Variants in LRIG1 observed in about 807,000 individuals in gnomAD.
LRIG1 encodes leucine-rich repeats and immunoglobulin-like domains protein 1.
In LRIG1, 48 loss-of-function variants were observed where a neutral mutation model predicts 99.2. The ratio of observed to expected loss-of-function variants is 0.48; its 90% CI spans 0.38 to 0.62. LRIG1 has a LOEUF of 0.62. LRIG1 is among the 20% of genes least tolerant of loss of function. The pLI, the probability that LRIG1 is intolerant of heterozygous loss-of-function variation, is 0.00. For synonymous variants in LRIG1, 772 were observed against 596.1 expected (o/e 1.29, Z -4.30); for missense variants, 1,646 against 1,434.4 (o/e 1.15, Z -2.38).
At chr3:66,448,788 C>T (rs928665871) in intron 3 of LRIG1, among the ~76,000 whole-genome samples, 5 of 152,142 alleles carry the variant, frequency 3.3e-5, no homozygotes, top group Non-Finnish European at 5.9e-5. Flanking sequence ...TGTCTGCCCA[C>T]AAAAACGGAA....
intron 8 of LRIG1, among the ~76,000 whole-genome samples, chr3:66,405,600 C>T (rs1387156329): frequency 2.0e-5 from 3 of 152,184 alleles, no homozygotes; most frequent in Non-Finnish European, 4.4e-5. Flanking sequence ...GACATCTGGC[C>T]CCAGCACTGA....
intron 6 of LRIG1, among the ~76,000 whole-genome samples, chr3:66,412,589 G>A (rs1339477051): frequency 6.6e-6 from 1 of 152,246 alleles, no homozygotes; most frequent in African/African-American, 2.4e-5. Flanking sequence ...GAAGGGGGCT[G>A]GGTCCGGCTG....
intron 3 of LRIG1, among the ~76,000 whole-genome samples, chr3:66,450,399 G>T (rs1345155240): frequency 2.0e-5 from 3 of 152,084 alleles, no homozygotes; most frequent in Non-Finnish European, 4.4e-5. Flanking sequence ...GTATAAAATG[G>T]GTCAAAAATG....
rs115135594 is a variant in LRIG1 at position 66,437,818 on chromosome 3, G to T, written c.365+13741C>A. Among the ~76,000 whole-genome samples the T allele has an allele frequency of 2.9e-3, 436 of 152,280 alleles. 7 individuals carry two copies. The highest frequency in any genetic ancestry group is 4.1e-3 in the Non-Finnish European group (280 of 68,032). On this transcript the variant is annotated intron_variant, in intron 3 of 18. Transcript: ENST00000273261. ...GGCAGAGGGGAACACAACATCATGGGGGGAGGAGGTCAGAAGAGGGGCGGC... is the reference window on the plus strand; with the variant it reads ...GGCAGAGGGGAACACAACATCATGGTGGGAGGAGGTCAGAAGAGGGGCGGC...
At chr3:66,410,311 C>T (rs760070121) in intron 6 of LRIG1, 39 bp from the exon 7 acceptor site, 50 of 1,560,330 alleles carry the variant, frequency 3.2e-5, no homozygotes, top group Non-Finnish European at 3.6e-5. Flanking sequence ...GAGGAGCTTT[C>T]ACTCCCTTCA....
intron 1 of LRIG1, among the ~76,000 whole-genome samples, chr3:66,488,796 T>C (rs528081852): frequency 6.6e-5 from 10 of 152,320 alleles, no homozygotes; most frequent in East Asian, 5.8e-4. Context: ...GCCATGACTA[T>C]AGAATGTGAC....
rs1038388426 is a variant in LRIG1, at chr3:66,380,030, A to ATCTC, written c.*229_*232dup. 9 of 379,880 alleles carry ATCTC rather than the reference A, an allele frequency of 2.4e-5. No individual in the cohort carries two copies. Among genetic ancestry groups the ATCTC allele is most frequent in the African/African-American group, 1.8e-4 (9 of 49,504 alleles). The allele number at this position is 379,880 out of a possible 1,614,324, so 23.5% of individuals were successfully genotyped here. On this transcript the variant is annotated 3_prime_UTR_variant, in exon 19 of 19. Coordinates refer to ENST00000273261, the MANE Select transcript of LRIG1 (RefSeq NM_015541.3). ...AGCCTCTGTAAAAGATATATATGAA[A>ATCTC]TCTCTGAAAACTCTTATGTACAATG... is the stretch of plus-strand genomic sequence containing the variant.
At chr3:66,471,070 G>C (rs968629531) in intron 1 of LRIG1, among the ~76,000 whole-genome samples, 1 of 152,096 alleles carries the variant, frequency 6.6e-6, no homozygotes, top group East Asian at 1.9e-4. Flanking sequence ...CAAGCAAAAG[G>C]AATTTGGGCA....
At chr3:66,413,539 G>A (rs948031019) in intron 5 of LRIG1, among the ~76,000 whole-genome samples, 1 of 152,188 alleles carries the variant, frequency 6.6e-6, no homozygotes, top group Admixed American at 6.5e-5. Flanking sequence ...TGCACATGGG[G>A]GCAGGGGGAG....
chr3:66,410,357 T>G, intron 6 of LRIG1, 85 bp from the exon 7 acceptor site: 1 of 1,334,438 alleles, frequency 7.5e-7, no homozygotes, highest in African/African-American at 1.5e-5. Flanking sequence ...ACGCTGTACC[T>G]GACACTGCGG....
chr3:66,407,619 G>GCGCGCA (rs1553715219), intron 7 of LRIG1, 128 bp from the exon 8 acceptor site: 1 of 957,240 alleles, frequency 1.0e-6, no homozygotes, highest in Non-Finnish European at 1.6e-6. Context: ...GCACGCGCGT[G>GCGCGCA]CGTGCACACA....
rs1233791753 is a variant in LRIG1, at chr3:66,417,161, G to A, written c.471C>T (p.Thr157=). The A allele has an allele frequency of 6.2e-7, 1 of 1,614,206 alleles. No individual in the cohort carries two copies. The highest frequency in any genetic ancestry group is 8.5e-7 in the Non-Finnish European group (1 of 1,180,030). ...TTATAGGCGGTCCGTGTGGAAAGCA[G>A]GTGTTCCGCACTTCCGTGATGTTGT... ...SLNNITEVRN[T]CFPHGPPIKE... Residue 157 remains threonine, a synonymous_variant, in exon 4 of 19, where the codon ACC becomes ACT. Coordinates refer to ENST00000273261, the MANE Select transcript of LRIG1 (RefSeq NM_015541.3).
chr3:66,380,682 C>T lies in LRIG1; in HGVS notation c.2950G>A (p.Ala984Thr), dbSNP rs375774171. 2.5e-6 allele frequency: 4 copies of T among 1,614,200 alleles called. No homozygotes were observed. The highest frequency in any genetic ancestry group is 8.5e-7 in the Non-Finnish European group (1 of 1,180,030). Residue 984 changes from alanine (A) to threonine (T), a missense_variant, in exon 18 of 19, where the codon GCC (alanine) becomes ACC (threonine). Ala to Thr is a moderately conservative substitution (Grantham distance 58). Transcript: ENST00000273261. Reference sequence around the variant, plus strand: ...TGGCACTCGGGGCAGGACCCAGCGGCAGTCCTGCTGCACTGGTGATGTGGA... The same window carrying T: ...TGGCACTCGGGGCAGGACCCAGCGGTAGTCCTGCTGCACTGGTGATGTGGA... ...HSPHHQCSRT[A>T]AGSCPECQGS... is the part of the protein sequence containing the mutation.
chr3:66,434,434 A>T (rs999091626), intron 3 of LRIG1, among the ~76,000 whole-genome samples: 2 of 152,180 alleles, frequency 1.3e-5, no homozygotes, highest in African/African-American at 4.8e-5. Flanking sequence ...CACCTATCAG[A>T]ATGGCTGAAA....
intron 5 of LRIG1, among the ~76,000 whole-genome samples, chr3:66,414,089 T>C (rs533975328): frequency 1.3e-5 from 2 of 152,218 alleles, no homozygotes; most frequent in East Asian, 1.9e-4. Context: ...AACTAAACAA[T>C]TAAATTGTTT....
chr3:66,439,693 G>A (rs1703479403), intron 3 of LRIG1, among the ~76,000 whole-genome samples: 1 of 151,942 alleles, frequency 6.6e-6, no homozygotes, highest in Non-Finnish European at 1.5e-5. Flanking sequence ...CATCATGGTG[G>A]GACATTTCTG....
At chr3:66,423,229 A>C (rs1702874775) in intron 3 of LRIG1, among the ~76,000 whole-genome samples, 2 of 152,232 alleles carry the variant, frequency 1.3e-5, no homozygotes, top group Non-Finnish European at 2.9e-5. Flanking sequence ...ATTTTAAAAA[A>C]TACTTCAGAT....
intron 5 of LRIG1, among the ~76,000 whole-genome samples, chr3:66,413,386 T>C (rs535911563): frequency 2.2e-4 from 33 of 152,332 alleles, no homozygotes; most frequent in African/African-American, 7.7e-4. Context: ...GTGAATGTCT[T>C]ATGTGAGGTA....
chr3:66,500,316 A>C lies in LRIG1; in HGVS notation c.92T>G (p.Val31Gly). 1 of 1,481,974 alleles carries C rather than the reference A, an allele frequency of 6.7e-7. No individual in the cohort carries two copies. The highest frequency in any genetic ancestry group is 8.9e-7 in the Non-Finnish European group (1 of 1,120,968). The allele number at this position is 1,481,974 out of a possible 1,614,324, so 91.8% of individuals were successfully genotyped here. ...LWLLLLRLEPVTAAAGPRAPC... is the reference protein window; with the variant it reads ...LWLLLLRLEPGTAAAGPRAPC... ...CGCCCGCGGGCCGGCCGCGGCGGTC[A>C]CCGGCTCCAGCCGAAGCAAAAGCAG... Residue 31 changes from valine (V) to glycine (G), a missense_variant, in exon 1 of 19, where the codon GTG becomes GGG. Val to Gly is a moderately radical substitution (Grantham distance 109). Coordinates refer to ENST00000273261, the MANE Select transcript of LRIG1 (RefSeq NM_015541.3).
Sources: allele counts gnomAD v4.1 joint callset (sites outside exome capture counted in the v4.1 genomes callset), GRCh38; gene constraint gnomAD v4.1.1; transcripts MANE v1.5; gene names NCBI Gene and HGNC (gene_info 2026-07-23, HGNC 2026-07-21).